The following IL23R variants were observed in gnomAD, a reference collection of about 807,000 sequenced individuals.
IL23R encodes interleukin 23 receptor, also known as interleukin-23 receptor.
In IL23R, 34 loss-of-function variants were observed where a neutral mutation model predicts 56.9. The ratio of observed to expected loss-of-function variants is 0.60; its 90% CI spans 0.45 to 0.80. The LOEUF (loss-of-function observed/expected upper bound fraction) is 0.80, where lower values mean the gene tolerates loss of function less well. Among genes scored for constraint, IL23R ranks in the 30% least tolerant of loss-of-function variants. The pLI is 0.00. For missense variants in IL23R, 635 were observed against 730.0 expected (o/e 0.87, Z 1.50); for synonymous variants, 230 against 249.2 (o/e 0.92, Z 0.73).
chr1:67,252,400 G>A (rs1652682278), intron 9 of IL23R, among the ~76,000 whole-genome samples: 1 of 152,164 alleles, frequency 6.6e-6, no homozygotes, highest in Admixed American at 6.5e-5. Context: ...ATCCTAGCCT[G>A]TTAATTACTG....
In IL23R at chr1:67,255,865, C is replaced by T; in HGVS notation, c.1177C>T (p.Pro393Ser). Residue 393 changes from proline (P) to serine (S), a missense_variant, in exon 10 of 11, where the codon CCA (proline) becomes TCA (serine). Pro to Ser is a moderately conservative substitution (Grantham distance 74, BLOSUM62 -1). Transcript: ENST00000347310. ...TAAAAGAAGGATCTTATTGTTAATA[C>T]CAAAGTGGCTTTATGAAGATATTCC... is the stretch of plus-strand genomic sequence containing the variant. ...GIKRRILLLI[P>S]KWLYEDIPNM... 6.3e-7 allele frequency: 1 copy of T among 1,589,560 alleles called. No homozygotes were observed. The highest frequency in any genetic ancestry group is 8.6e-7 in the Non-Finnish European group (1 of 1,158,030).
At chr1:67,209,754 C>G (rs943682953) in intron 6 of IL23R, among the ~76,000 whole-genome samples, 7 of 152,274 alleles carry the variant, frequency 4.6e-5, no homozygotes, top group Non-Finnish European at 7.4e-5. Flanking sequence ...ATTTTCTGTT[C>G]CTGTGTTAAT....
At chr1:67,149,012 G>A (rs1258297759) in intron 1 of IL23R, among the ~76,000 whole-genome samples, 1 of 152,152 alleles carries the variant, frequency 6.6e-6, no homozygotes, top group Admixed American at 6.5e-5. Context: ...AATGATAGTG[G>A]TGTTAAACCA....
chr1:67,245,127 G>C (rs561746829), intron 9 of IL23R, among the ~76,000 whole-genome samples: 1 of 152,128 alleles, frequency 6.6e-6, no homozygotes, highest in African/African-American at 2.4e-5. Flanking sequence ...TGTTATTGGC[G>C]TATAGGAATG....
At position 67,259,422 on chromosome 1, in the gene IL23R, G is replaced by A. The variant is rs572504974; in HGVS notation, c.*294G>A. On this transcript the variant is annotated 3_prime_UTR_variant, in exon 11 of 11. Coordinates refer to ENST00000347310, the MANE Select transcript of IL23R (RefSeq NM_144701.3). ...GGAGCTCCATGCCTTTTTAATTTTA[G>A]CCATTCTTCTGCCTCATTTCTTAAA... The A allele has an allele frequency of 5.1e-6, 2 of 395,740 alleles. No homozygotes were observed. Among genetic ancestry groups the A allele is most frequent in the African/African-American group, 4.1e-5 (2 of 48,812 alleles). 24.5% of individuals were successfully genotyped at this position (395,740 alleles called of 1,614,324 possible).
At position 67,206,983 on chromosome 1, in the gene IL23R, G is replaced by T. The variant is rs369986474; in HGVS notation, c.726G>T (p.Trp242Cys). The T allele has an allele frequency of 1.7e-5, 27 of 1,610,548 alleles. No individual in the cohort carries two copies. The African/African-American group carries it at 2.8e-4, about 17-fold the overall frequency. The change falls in exon 6 of 11, where the codon TGG becomes TGT. Residue 242 changes from tryptophan to cysteine, a missense_variant. Coordinates refer to ENST00000347310, the MANE Select transcript of IL23R (RefSeq NM_144701.3). ...NATVPKTIIY[W>C]DSQTTIEKVS... ...CAGTGCCCAAGACCATAATTTATTG[G>T]GATAGTCAAACAACAATTGAAAAGG...
intron 7 of IL23R, among the ~76,000 whole-genome samples, chr1:67,221,036 ATTATCT>A (rs1384097954): frequency 3.3e-5 from 5 of 151,770 alleles, no homozygotes; most frequent in African/African-American, 9.7e-5. Context: ...TTTGAAAAAT[ATTATCT>A]GGGTGTGGTG....
chr1:67,157,909 T>G (rs750589810), intron 1 of IL23R, among the ~76,000 whole-genome samples: 6 of 152,332 alleles, frequency 3.9e-5, no homozygotes, highest in Non-Finnish European at 5.9e-5. Context: ...TGGAACATAT[T>G]ACACACTCAA....
intron 3 of IL23R, among the ~76,000 whole-genome samples, chr1:67,170,562 C>T (rs953373370): frequency 2.0e-5 from 3 of 151,816 alleles, no homozygotes; most frequent in Non-Finnish European, 4.4e-5. Flanking sequence ...TGGGCTGGCT[C>T]GTATAATTAT....
At chr1:67,162,962 T>A (rs1485197860), upstream of IL23R, among the ~76,000 whole-genome samples, 1 of 152,214 alleles carries the variant, frequency 6.6e-6, no homozygotes, top group Non-Finnish European at 1.5e-5. Flanking sequence ...TAGAGTTGTA[T>A]GTTGAAGGTT....
chr1:67,247,306 CTT>C (rs754056239), intron 9 of IL23R, among the ~76,000 whole-genome samples: 12 of 139,692 alleles, frequency 8.6e-5, no homozygotes, highest in Admixed American at 7.2e-5. Flanking sequence ...AGCCCATTTA[CTT>C]TTTTTTTTTT....
At chr1:67,179,030 T>G (rs10889666) in intron 3 of IL23R, among the ~76,000 whole-genome samples, 44,910 of 152,108 alleles carry the variant, frequency 0.3, 6,991 homozygotes, top group Admixed American at 0.43. Flanking sequence ...AGTATTTTAT[T>G]GAGGATTTTT....
chr1:67,139,352 G>A (rs930161865), intron 1 of IL23R, among the ~76,000 whole-genome samples: 1 of 152,170 alleles, frequency 6.6e-6, no homozygotes, highest in African/African-American at 2.4e-5. Context: ...GCCAAGCACA[G>A]TGCCTAGCAA....
chr1:67,226,123 G>T (rs1263976507), intron 7 of IL23R, among the ~76,000 whole-genome samples: 1 of 152,218 alleles, frequency 6.6e-6, no homozygotes, highest in Admixed American at 6.5e-5. Flanking sequence ...AGGTGCGCAG[G>T]AGCTGGGGTG....
intron 3 of IL23R, among the ~76,000 whole-genome samples, chr1:67,172,131 T>TC (rs1646951791): frequency 1.3e-5 from 2 of 152,176 alleles, no homozygotes; most frequent in Non-Finnish European, 2.9e-5. Context: ...CTGAATGTCT[T>TC]CTTGAGCTCT....
At chr1:67,142,796 G>A (rs969153660) in intron 1 of IL23R, among the ~76,000 whole-genome samples, 1 of 152,118 alleles carries the variant, frequency 6.6e-6, no homozygotes, top group Non-Finnish European at 1.5e-5. Context: ...TCGAACTCCT[G>A]ACCTCAGGTG....
intron 4 of IL23R, among the ~76,000 whole-genome samples, chr1:67,196,527 T>C (rs1471808827): frequency 6.6e-6 from 1 of 152,132 alleles, no homozygotes; most frequent in East Asian, 1.9e-4. Flanking sequence ...GGTGACAGAG[T>C]GAGACCCTGT....
intron 3 of IL23R, among the ~76,000 whole-genome samples, chr1:67,177,871 G>C (rs1472400393): frequency 6.6e-6 from 1 of 151,084 alleles, no homozygotes; most frequent in Admixed American, 6.6e-5. Flanking sequence ...TTATTAAATA[G>C]GGAATCCTTT....
chr1:67,165,616 G>A (rs187980208), upstream of IL23R, among the ~76,000 whole-genome samples: 669 of 152,296 alleles, frequency 4.4e-3, 3 homozygotes, highest in Middle Eastern at 0.014. Context: ...AGGCTATACA[G>A]GAATATTATG....
Sources: gnomAD v4.1 joint callset for allele counts (sites outside exome capture counted in the v4.1 genomes callset) on GRCh38, gnomAD v4.1.1 for gene constraint, MANE v1.5 for transcripts, NCBI Gene and HGNC (gene_info 2026-07-23, HGNC 2026-07-21) for gene names.